GON4L: variants seen among roughly 807,000 people sequenced by gnomAD.
GON4L encodes GON-4-like protein.
GON4L carries 87 observed loss-of-function variants against 211.8 expected under a neutral mutation model. The observed-to-expected ratio is 0.41, with a 90% CI of 0.35 to 0.49. The LOEUF (loss-of-function observed/expected upper bound fraction) is 0.49, where lower values mean the gene tolerates loss of function less well. GON4L is among the 20% of genes least tolerant of loss of function. The probability of loss-of-function intolerance (pLI) is 0.15; values close to 1 mark genes in which losing one functional copy is unlikely to be tolerated. For missense variants in GON4L, 2,155 were observed against 2,659.5 expected (o/e 0.81, Z 4.17); for synonymous variants, 875 against 962.6 (o/e 0.91, Z 1.68).
upstream of GON4L, among the ~76,000 whole-genome samples, chr1:155,857,447 G>A (rs369010054): frequency 1.3e-5 from 2 of 152,334 alleles, no homozygotes; most frequent in African/African-American, 4.8e-5. Context: ...GCTAATTTGG[G>A]GGCCAGGCGC....
At position 155,752,514 on chromosome 1, in the gene GON4L, T is replaced by C. The variant is rs1262832312; in HGVS notation, c.5919A>G (p.Pro1973=). Residue 1973 remains proline (P), a synonymous_variant, in exon 30 of 32, where the codon CCA becomes CCG. Coordinates refer to ENST00000368331, the MANE Select transcript of GON4L (RefSeq NM_001282860.2). ...GAGGAGTCTCTGGTGAATGAGGTGG[T>C]GGGCCATCCAGGAGGAGCCGTTCTG... ...TVTERLLLDG[P]PPHSPETPQF... 3.1e-6 allele frequency: 5 copies of C among 1,594,076 alleles called. No homozygotes were observed. The highest frequency in any genetic ancestry group is 4.3e-6 in the Non-Finnish European group (5 of 1,170,798).
chr1:155,752,209 T>C lies in GON4L; in HGVS notation c.6224A>G (p.Glu2075Gly), dbSNP rs1352906710. 1 of 1,613,648 alleles carries C rather than the reference T, an allele frequency of 6.2e-7. No individual in the cohort carries two copies. The highest frequency in any genetic ancestry group is 8.5e-7 in the Non-Finnish European group (1 of 1,179,684). The change falls in exon 30 of 32, where the codon GAG becomes GGG. Residue 2075 changes from glutamate to glycine, a missense_variant. Physicochemically the swap from Glu to Gly is moderately conservative, Grantham distance 98 (BLOSUM62 -2). This residue lies in a region of GON4L where 186 missense variants were observed against 308.1 expected (regional missense o/e 0.60). Coordinates refer to ENST00000368331, the MANE Select transcript of GON4L (RefSeq NM_001282860.2). The stretch of plus-strand genomic sequence containing the variant: ...AGCTCTGCTTGAGGGCAGCCATCTC[T>C]CTTGAGTGTCTGGTTTCCCGGACAC... ...RHVSGKPDTQ[E>G]RWLPSSRARV...
At chr1:155,782,787 G>C (rs1664553802) in intron 14 of GON4L, among the ~76,000 whole-genome samples, 1 of 152,068 alleles carries the variant, frequency 6.6e-6, no homozygotes, top group South Asian at 2.1e-4. Flanking sequence ...AGCCTCCTGA[G>C]TAGCTGGGAT....
At chr1:155,811,390 T>G (rs1228652890) in intron 10 of GON4L, among the ~76,000 whole-genome samples, 2 of 1,850 alleles carry the variant, frequency 1.1e-3, no homozygotes, top group Admixed American at 0.011. Context: ...AGACTCCGTC[T>G]CAAAAAAAAA....
intron 12 of GON4L, among the ~76,000 whole-genome samples, chr1:155,791,262 CA>C (rs1280136069): frequency 1.3e-5 from 2 of 151,334 alleles, no homozygotes; most frequent in Admixed American, 6.6e-5. Context: ...GACTTCGTCT[CA>C]AAAAAAAGTA....
chr1:155,833,399 C>T (rs1158313795), intron 2 of GON4L, among the ~76,000 whole-genome samples: 2 of 152,078 alleles, frequency 1.3e-5, no homozygotes, highest in East Asian at 1.9e-4. Context: ...CCTGTGATCC[C>T]AGCATTTTGG....
chr1:155,826,239 A>T (rs1669204219), intron 3 of GON4L, among the ~76,000 whole-genome samples: 1 of 151,854 alleles, frequency 6.6e-6, no homozygotes, highest in South Asian at 2.1e-4. Context: ...TATAAAATGT[A>T]CACACGATTC....
intron 19 of GON4L, among the ~76,000 whole-genome samples, chr1:155,769,835 T>C (rs565138090): frequency 4.4e-4 from 67 of 151,816 alleles, no homozygotes; most frequent in African/African-American, 1.5e-3. Flanking sequence ...AAAATGTGCA[T>C]GTTTGTGGTG....
intron 9 of GON4L, 71 bp from the exon 10 acceptor site, chr1:155,813,875 A>G (rs1668004638): frequency 7.6e-7 from 1 of 1,312,764 alleles, no homozygotes. Context: ...AAAAAGGAAA[A>G]AAAGAGAGGG....
chr1:155,773,325 C>A, intron 17 of GON4L, 115 bp from the exon 18 acceptor site: 1 of 1,168,950 alleles, frequency 8.6e-7, no homozygotes, highest in East Asian at 2.5e-5. Context: ...AACTTGATTC[C>A]CTCCCATCTG....
chr1:155,828,153 G>GTC (rs1223113750), intron 2 of GON4L, among the ~76,000 whole-genome samples: 1 of 48,522 alleles, frequency 2.1e-5, no homozygotes, highest in Non-Finnish European at 6.1e-5. Context: ...GCAAGACACT[G>GTC]TCACACACAC....
At chr1:155,797,055 A>G (rs1187953374) in intron 11 of GON4L, among the ~76,000 whole-genome samples, 1 of 152,186 alleles carries the variant, frequency 6.6e-6, no homozygotes, top group Non-Finnish European at 1.5e-5. Flanking sequence ...CAGAGTATCT[A>G]GAAAGAAACA....
intron 10 of GON4L, among the ~76,000 whole-genome samples, chr1:155,807,256 T>G: frequency 6.6e-6 from 1 of 152,062 alleles, no homozygotes; most frequent in Non-Finnish European, 1.5e-5. Flanking sequence ...AAAAGTTAGA[T>G]GGGAGTGGTG....
chr1:155,762,312 T>C lies in GON4L; in HGVS notation c.4789A>G (p.Ser1597Gly). The C allele has an allele frequency of 1.2e-6, 2 of 1,613,322 alleles. No homozygotes were observed. The highest frequency in any genetic ancestry group is 1.7e-6 in the Non-Finnish European group (2 of 1,179,474). Reference sequence around the variant, plus strand: ...GTGTCCTTGCTGGCCCGAGCCCGACTTCCCCGCTTGTTGCGAGCTCGATGA... The same window carrying C: ...GTGTCCTTGCTGGCCCGAGCCCGACCTCCCCGCTTGTTGCGAGCTCGATGA... Reference protein sequence around the residue: ...NNHRARNKRGSRARASKDTSK... With the variant: ...NNHRARNKRGGRARASKDTSK... Residue 1597 changes from serine to glycine, a missense_variant, in exon 23 of 32, where the codon AGT (serine) becomes GGT (glycine). By Grantham distance (56) the Ser-to-Gly change is moderately conservative (BLOSUM62 0). Coordinates refer to ENST00000368331, the MANE Select transcript of GON4L (RefSeq NM_001282860.2).
chr1:155,799,458 G>C (rs1666420075), intron 11 of GON4L, among the ~76,000 whole-genome samples: 1 of 151,904 alleles, frequency 6.6e-6, no homozygotes, highest in Non-Finnish European at 1.5e-5. Flanking sequence ...ACAAACTGAA[G>C]TTTTATTTTA....
intron 2 of GON4L, among the ~76,000 whole-genome samples, chr1:155,834,828 G>A (rs1328286185): frequency 6.6e-6 from 1 of 151,656 alleles, no homozygotes; most frequent in African/African-American, 2.4e-5. Context: ...CCGCCCCTTC[G>A]CCTCTGCCCA....
rs777206645 is a variant in GON4L at position 155,760,486 on chromosome 1, A to G, written c.5067T>C (p.Phe1689=). Residue 1689 remains phenylalanine, a synonymous_variant, in exon 24 of 32, where the codon TTT becomes TTC. Transcript: ENST00000368331. ...CTTGCTCAGGTAACAGGAAAGCAGC[A>G]AAGTCTTTCAACAGCTGAGGCCAGT... ...LQDWPQLLKD[F]AAFLLPEQAL... 3 of 1,613,038 alleles carry G rather than the reference A, an allele frequency of 1.9e-6. No homozygotes were observed. Among genetic ancestry groups the G allele is most frequent in the South Asian group, 1.1e-5 (1 of 91,040 alleles).
Position 155,820,578 on chromosome 1 carries a change from A to G in GON4L, c.1014+28T>C, listed in dbSNP as rs778199765. 7.6e-5 allele frequency: 117 copies of G among 1,548,652 alleles called. 1 individual carries two copies. The South Asian group carries it at 1.1e-3, about 15-fold the overall frequency. On this transcript the variant is annotated intron_variant, in intron 6 of 31. Coordinates refer to ENST00000368331, the MANE Select transcript of GON4L (RefSeq NM_001282860.2). ...ATCCTATTCACCAAGCTAAAAAAAAACCAACAACAAAAAAACAGAATACTT... is the reference window on the plus strand; with the variant it reads ...ATCCTATTCACCAAGCTAAAAAAAAGCCAACAACAAAAAAACAGAATACTT...
chr1:155,787,222 A>T (rs945056339), intron 12 of GON4L, among the ~76,000 whole-genome samples: 1 of 152,186 alleles, frequency 6.6e-6, no homozygotes, highest in Non-Finnish European at 1.5e-5. Context: ...AGTTTTAAAG[A>T]TCAGTTTATT....
Sources: allele counts gnomAD v4.1 joint callset (sites outside exome capture counted in the v4.1 genomes callset), GRCh38; gene constraint gnomAD v4.1.1; regional missense constraint gnomAD v4.1.1; transcripts MANE v1.5; gene names NCBI Gene and HGNC (gene_info 2026-07-23, HGNC 2026-07-21).